The following BRDT variants were observed in gnomAD, a reference collection of about 807,000 sequenced individuals.
The protein encoded by BRDT is bromodomain testis-specific protein.
Under a neutral mutation model 113.9 loss-of-function variants are expected in BRDT, and 77 were observed. The observed-to-expected ratio is 0.68, with a 90% CI of 0.56 to 0.82. The LOEUF (loss-of-function observed/expected upper bound fraction) is 0.82, where lower values mean the gene tolerates loss of function less well. BRDT is among the 40% of genes least tolerant of loss of function. BRDT has a pLI of 0.00. For synonymous variants in BRDT, 358 were observed against 366.5 expected (o/e 0.98, Z 0.26); for missense variants, 1,027 against 1,105.4 (o/e 0.93, Z 1.01).
At chr1:91,978,596 T>A (rs959007748) in intron 7 of BRDT, among the ~76,000 whole-genome samples, 1 of 152,114 alleles carries the variant, frequency 6.6e-6, no homozygotes, top group Non-Finnish European at 1.5e-5. Context: ...GAAGAGGGGA[T>A]GTAGATAGAT....
At chr1:91,992,566 C>T (rs139315633) in intron 14 of BRDT, among the ~76,000 whole-genome samples, 10,186 of 152,068 alleles carry the variant, frequency 0.067, 403 homozygotes, top group African/African-American at 0.097. Context: ...GACAGAGTCT[C>T]GCTCTATCAC....
chr1:91,959,134 G>A (rs991266377), intron 1 of BRDT, among the ~76,000 whole-genome samples: 9 of 152,216 alleles, frequency 5.9e-5, no homozygotes, highest in South Asian at 2.1e-4. Flanking sequence ...CCAAGATCGC[G>A]CCACTGCATT....
chr1:91,974,359 T>C (rs1159837286), intron 4 of BRDT, among the ~76,000 whole-genome samples: 1 of 151,998 alleles, frequency 6.6e-6, no homozygotes, highest in Non-Finnish European at 1.5e-5. Context: ...ACCTACAAAA[T>C]GGGAGAAAAT....
intron 1 of BRDT, chr1:91,952,181 TAA>T (rs1681167183): frequency 6.6e-6 from 1 of 152,204 alleles, no homozygotes; most frequent in African/African-American, 2.4e-5. Flanking sequence ...TTAAGAATCA[TAA>T]TAGTTCAGTG....
At chr1:92,005,346 T>A in intron 18 of BRDT, 47 bp downstream of exon 18, 1 of 1,442,858 alleles carries the variant, frequency 6.9e-7, no homozygotes, top group Non-Finnish European at 9.1e-7. Context: ...AGGGAAAGAT[T>A]TAACAGAGCA....
rs548711895 is a variant in BRDT, at chr1:91,966,091, A to T, written c.330+1327A>T. Among the ~76,000 whole-genome samples the T allele has an allele frequency of 1.2e-4, 18 of 152,072 alleles. No individual in the cohort carries two copies. The South Asian group carries it at 3.5e-3, about 30-fold the overall frequency. ...TGTTGCCCAGGCTGGAGTGCAGTGTATGTGGAGATTTTAAACTTAATCTTC... is the reference window on the plus strand; with the variant it reads ...TGTTGCCCAGGCTGGAGTGCAGTGTTTGTGGAGATTTTAAACTTAATCTTC... On this transcript the variant is annotated intron_variant, in intron 3 of 18. Coordinates refer to ENST00000399546, the MANE Select transcript of BRDT (RefSeq NM_207189.4).
rs549857992 is a variant in BRDT, at chr1:92,012,739, C to T, written c.2776-1467C>T. Among the ~76,000 whole-genome samples the T allele has an allele frequency of 4.0e-5, 6 of 148,970 alleles. No individual in the cohort carries two copies. In the East Asian group the frequency reaches 1.0e-3, roughly 25 times the overall value. On this transcript the variant is annotated intron_variant, in intron 18 of 18. Transcript: ENST00000399546. Reference sequence around the variant, plus strand: ...CAGCCTGGCCAACATAGTGAAACCCCATCTCTACTAAAACTACAAGATTAG... The same window carrying T: ...CAGCCTGGCCAACATAGTGAAACCCTATCTCTACTAAAACTACAAGATTAG...
chr1:91,979,988 A>T (rs1207578160), intron 8 of BRDT, among the ~76,000 whole-genome samples: 2 of 152,200 alleles, frequency 1.3e-5, no homozygotes, highest in Non-Finnish European at 2.9e-5. Context: ...TGAGTGGTTG[A>T]TTCTCATTGA....
At chr1:91,982,072 C>T (rs913989641) in intron 12 of BRDT, among the ~76,000 whole-genome samples, 1 of 152,080 alleles carries the variant, frequency 6.6e-6, no homozygotes, top group Non-Finnish European at 1.5e-5. Context: ...ATGACCTTTA[C>T]TTGTTTTATA....
chr1:91,962,890 C>T lies in BRDT; in HGVS notation c.136C>T (p.His46Tyr). 1.9e-6 allele frequency: 3 copies of T among 1,611,802 alleles called. No homozygotes were observed. Among genetic ancestry groups the T allele is most frequent in the African/African-American group, 1.3e-5 (1 of 74,916 alleles). ...AGTTGTCCTAAAGGATTTATGGAAG[C>T]ATAGTTTTTCATGGCCCTTTCAACG... ...QKVVLKDLWK[H>Y]SFSWPFQRPV... The change falls in exon 2 of 19, where the codon CAT becomes TAT. Residue 46 changes from histidine to tyrosine, a missense_variant. Coordinates refer to ENST00000399546, the MANE Select transcript of BRDT (RefSeq NM_207189.4).
chr1:91,987,430 T>G (rs1685352541), intron 12 of BRDT, among the ~76,000 whole-genome samples: 1 of 151,990 alleles, frequency 6.6e-6, no homozygotes, highest in Non-Finnish European at 1.5e-5. Flanking sequence ...GCTTCCTGGG[T>G]TCAAGCAATT....
chr1:91,949,601 CT>C lies in BRDT; in HGVS notation c.-118del, dbSNP rs1161181702. On this transcript the variant is annotated 5_prime_UTR_variant, in exon 1 of 19. Coordinates refer to ENST00000399546, the MANE Select transcript of BRDT (RefSeq NM_207189.4). ...GGTGGGAACAACCGTTTTTTCCCCC[CT>C]CTCCCCTCCCCGACCCCATCAACAT... The C allele has an allele frequency of 3.9e-5, 6 of 152,296 alleles. No homozygotes were observed. The East Asian group carries it at 7.7e-4, about 20-fold the overall frequency. 9.4% of individuals were successfully genotyped at this position (152,296 alleles called of 1,614,324 possible).
chr1:91,996,024 T>C (rs1686295589), intron 15 of BRDT, among the ~76,000 whole-genome samples: 1 of 152,284 alleles, frequency 6.6e-6, no homozygotes, highest in South Asian at 2.1e-4. Context: ...GGAAGAAGAA[T>C]AAACAAATAT....
chr1:92,005,778 A>G (rs544934153), intron 18 of BRDT, among the ~76,000 whole-genome samples: 2 of 152,220 alleles, frequency 1.3e-5, no homozygotes, highest in Non-Finnish European at 2.9e-5. Context: ...CACATAGGAA[A>G]ATGCCTAGCA....
intron 12 of BRDT, among the ~76,000 whole-genome samples, 170 bp from the exon 13 acceptor site, chr1:91,991,014 G>T (rs1685702871): frequency 6.6e-6 from 1 of 152,122 alleles, no homozygotes. Context: ...AGCCAGGATG[G>T]TCTCCATCTC....
At chr1:91,959,912 CAG>C (rs1206991897) in intron 1 of BRDT, among the ~76,000 whole-genome samples, 2 of 152,178 alleles carry the variant, frequency 1.3e-5, no homozygotes, top group African/African-American at 2.4e-5. Flanking sequence ...TCAGAAGTAA[CAG>C]GGAACTTTTA....
At chr1:92,009,512 TA>T (rs1687610553) in intron 18 of BRDT, among the ~76,000 whole-genome samples, 1 of 150,378 alleles carries the variant, frequency 6.6e-6, no homozygotes. Context: ...AAAGCTGCCA[TA>T]AACATTTGTT....
At chr1:92,010,836 T>C (rs761553709) in intron 18 of BRDT, among the ~76,000 whole-genome samples, 1 of 152,194 alleles carries the variant, frequency 6.6e-6, no homozygotes, top group Non-Finnish European at 1.5e-5. Context: ...AATTCCAATA[T>C]GTATGTCAGT....
chr1:92,004,385 AC>A (rs1164880707), intron 16 of BRDT, 28 bp from the exon 17 acceptor site: 1 of 1,551,004 alleles, frequency 6.4e-7, no homozygotes, highest in African/African-American at 1.4e-5. Flanking sequence ...ACATCTGTAG[AC>A]ATAGACTGAA....
Sources: gnomAD v4.1 joint callset for allele counts (sites outside exome capture counted in the v4.1 genomes callset) on GRCh38, gnomAD v4.1.1 for gene constraint, MANE v1.5 for transcripts, NCBI Gene and HGNC (gene_info 2026-07-23, HGNC 2026-07-21) for gene names.